Variants in ITPRID1 observed in about 807,000 individuals in gnomAD.
ITPRID1 encodes protein ITPRID1.
Under a neutral mutation model 95.4 loss-of-function variants are expected in ITPRID1, and 96 were observed. The ratio of observed to expected loss-of-function variants is 1.01; its 90% confidence interval spans 0.85 to 1.19. The LOEUF (loss-of-function observed/expected upper bound fraction) is 1.19. Among genes scored for constraint, ITPRID1 ranks in the 50% most tolerant of loss-of-function variants. ITPRID1 has a pLI of 0.00. For synonymous variants in ITPRID1, 510 were observed against 453.6 expected (o/e 1.12, Z -1.58); for missense variants, 1,339 against 1,252.9 (o/e 1.07, Z -1.04).
At chr7:31,514,517 G>T (rs543957440) in intron 1 of ITPRID1, among the ~76,000 whole-genome samples, 1 of 152,276 alleles carries the variant, frequency 6.6e-6, no homozygotes, top group Non-Finnish European at 1.5e-5. Context: ...GCTAATAATT[G>T]ACAATTAAAT....
At chr7:31,519,620 C>CTCTCTCTCTCTCTCTCTCTCTATA in intron 1 of ITPRID1, among the ~76,000 whole-genome samples, 2 of 25,268 alleles carry the variant, frequency 7.9e-5, no homozygotes, top group Non-Finnish European at 1.5e-4. Flanking sequence ...CTCTCTCTCT[C>CTCTCTCTCTCTCTCTCTCTCTATA]TATATATATA....
Position 31,623,023 on chromosome 7 carries a change from C to T in ITPRID1, c.1229-19153C>T, listed in dbSNP as rs308458. Among the ~76,000 whole-genome samples, 48 of 152,210 alleles carry T rather than the reference C, an allele frequency of 3.2e-4. No homozygotes were observed. The East Asian group carries it at 5.2e-3, about 17-fold the overall frequency. Reference sequence around the variant, plus strand: ...GTCTAGAAGAAATGGATAAATTCCTCAACACATACACCCTCCCAAGACTAA... The same window carrying T: ...GTCTAGAAGAAATGGATAAATTCCTTAACACATACACCCTCCCAAGACTAA... On this transcript the variant is annotated intron_variant, in intron 10 of 14. Transcript: ENST00000615280.
At chr7:31,658,230 T>G (rs1791383118), downstream of ITPRID1, 1 of 1,459,526 alleles carries the variant, frequency 6.9e-7, no homozygotes. Context: ...CAGAAAAATG[T>G]TGCATTAGGT....
At chr7:31,637,487 G>C (rs1277774402) in intron 10 of ITPRID1, among the ~76,000 whole-genome samples, 1 of 152,172 alleles carries the variant, frequency 6.6e-6, no homozygotes, top group South Asian at 2.1e-4. Context: ...CTGATGGCCA[G>C]TGATGATGAG....
intron 5 of ITPRID1, among the ~76,000 whole-genome samples, chr7:31,558,385 C>G (rs930185084): frequency 2.0e-5 from 3 of 152,200 alleles, no homozygotes; most frequent in Non-Finnish European, 4.4e-5. Context: ...TGGCACTTCT[C>G]CCTCCAGGCC....
At chr7:31,541,572 A>G (rs918795520) in intron 1 of ITPRID1, among the ~76,000 whole-genome samples, 3 of 152,176 alleles carry the variant, frequency 2.0e-5, no homozygotes, top group Admixed American at 6.6e-5. Context: ...ATACACTAAG[A>G]TATATCAGAA....
At chr7:31,572,651 G>T (rs1395150149) in intron 7 of ITPRID1, among the ~76,000 whole-genome samples, 1 of 152,148 alleles carries the variant, frequency 6.6e-6, no homozygotes, top group Non-Finnish European at 1.5e-5. Context: ...GGTCAGGATT[G>T]GTGGGGGTAA....
intron 5 of ITPRID1, among the ~76,000 whole-genome samples, chr7:31,563,687 G>A (rs1239707035): frequency 1.3e-5 from 2 of 152,156 alleles, no homozygotes; most frequent in Non-Finnish European, 2.9e-5. Context: ...TATCCTGGCA[G>A]TGGGGAGGGG....
intron 5 of ITPRID1, among the ~76,000 whole-genome samples, chr7:31,565,543 C>G (rs777220949): frequency 1.2e-4 from 18 of 152,106 alleles, no homozygotes; most frequent in Admixed American, 3.3e-4. Flanking sequence ...CAAGACCAGC[C>G]TGGCCAACAT....
At chr7:31,629,531 A>T (rs534467390) in intron 10 of ITPRID1, among the ~76,000 whole-genome samples, 1 of 152,298 alleles carries the variant, frequency 6.6e-6, no homozygotes, top group African/African-American at 2.4e-5. Flanking sequence ...TTTTTCAACA[A>T]TTTTTAAGGT....
rs1454992697 is a variant in ITPRID1, at chr7:31,555,011, G to T, written c.256+110G>T. 1.3e-5 allele frequency: 11 copies of T among 822,420 alleles called. No individual in the cohort carries two copies. In the East Asian group the frequency reaches 3.0e-4, roughly 22 times the overall value. The allele number at this position is 822,420 out of a possible 1,614,324, so 50.9% of individuals were successfully genotyped here. Reference sequence around the variant, plus strand: ...AGCATTATCAGAGGCTTCTAGAAATGATCAGCCCTCAAAAACTATCCAGCT... The same window carrying T: ...AGCATTATCAGAGGCTTCTAGAAATTATCAGCCCTCAAAAACTATCCAGCT... On this transcript the variant is annotated intron_variant, in intron 5 of 14. Transcript: ENST00000615280.
At chr7:31,638,896 C>G (rs928675495) in intron 10 of ITPRID1, among the ~76,000 whole-genome samples, 17 of 152,114 alleles carry the variant, frequency 1.1e-4, no homozygotes, top group Non-Finnish European at 1.2e-4. Flanking sequence ...TTTGCCTTAG[C>G]CTCCCAAGTA....
At chr7:31,519,620 C>CTCTCTCTCTCTCTCTATATATATATA in intron 1 of ITPRID1, among the ~76,000 whole-genome samples, 3 of 25,270 alleles carry the variant, frequency 1.2e-4, no homozygotes, top group East Asian at 3.0e-3. Context: ...CTCTCTCTCT[C>CTCTCTCTCTCTCTCTATATATATATA]TATATATATA....
In ITPRID1 at chr7:31,652,041, G is replaced by T; in HGVS notation, c.2814G>T (p.Gly938=). Residue 938 remains glycine, a synonymous_variant, in exon 14 of 15, where the codon GGG becomes GGT. Coordinates refer to ENST00000615280, the MANE Select transcript of ITPRID1 (RefSeq NM_001257967.3). ...LGDRAQQIRE[G]ILLQLEVLTA... is the part of the protein sequence containing the mutation. ...ACCGGGCTCAGCAAATCAGAGAAGG[G>T]ATTTTACTGGTATGGGTGATGGGGT... 1.9e-6 allele frequency: 3 copies of T among 1,595,468 alleles called. No individual in the cohort carries two copies. The highest frequency in any genetic ancestry group is 2.6e-6 in the Non-Finnish European group (3 of 1,170,386).
At chr7:31,586,606 T>G (rs979939980) in intron 10 of ITPRID1, among the ~76,000 whole-genome samples, 28 of 152,246 alleles carry the variant, frequency 1.8e-4, no homozygotes, top group East Asian at 1.2e-3. Flanking sequence ...ATGAGCATTT[T>G]TTCATGTGTT....
chr7:31,652,425 C>T, intron 14 of ITPRID1, 93 bp from the exon 15 acceptor site: 1 of 1,472,138 alleles, frequency 6.8e-7, no homozygotes, highest in Non-Finnish European at 9.0e-7. Flanking sequence ...AGAGAATCGA[C>T]CACCTCATAA....
chr7:31,572,239 A>G (rs982469816), intron 7 of ITPRID1, 51 bp downstream of exon 7: 11 of 1,157,922 alleles, frequency 9.5e-6, no homozygotes, highest in South Asian at 1.4e-5. Flanking sequence ...CTGTGCAACA[A>G]TGGATTTCAT....
At chr7:31,621,816 T>A (rs978113322) in intron 10 of ITPRID1, among the ~76,000 whole-genome samples, 33 of 151,388 alleles carry the variant, frequency 2.2e-4, no homozygotes, top group Non-Finnish European at 4.3e-4. Flanking sequence ...ACTGGCAAAT[T>A]GGATAAAGAG....
chr7:31,582,488 T>C (rs1465241976), intron 9 of ITPRID1, among the ~76,000 whole-genome samples: 1 of 152,170 alleles, frequency 6.6e-6, no homozygotes, highest in African/African-American at 2.4e-5. Flanking sequence ...TGGCTTCAAG[T>C]GATCCTCCCA....
Sources: gnomAD v4.1 joint callset for allele counts (sites outside exome capture counted in the v4.1 genomes callset) on GRCh38, gnomAD v4.1.1 for gene constraint, MANE v1.5 for transcripts, NCBI Gene and HGNC (gene_info 2026-07-23, HGNC 2026-07-21) for gene names.